SYNE2: variants seen among roughly 807,000 people sequenced by gnomAD.
SYNE2 encodes spectrin repeat containing nuclear envelope protein 2.
SYNE2 carries 431 observed loss-of-function variants against 856.3 expected under a neutral mutation model. That is an observed-to-expected ratio of 0.50 (90% confidence interval 0.47 to 0.55). The LOEUF (loss-of-function observed/expected upper bound fraction) is 0.55. SYNE2 is among the 20% of genes least tolerant of loss of function. SYNE2 has a pLI of 0.00. For missense variants in SYNE2, 8,129 were observed against 8,023.2 expected (o/e 1.01, Z -0.50); for synonymous variants, 2,923 against 2,872.3 (o/e 1.02, Z -0.56).
intron 14 of SYNE2, among the ~76,000 whole-genome samples, chr14:63,979,255 C>T (rs569531907): frequency 6.6e-6 from 1 of 152,180 alleles, no homozygotes; most frequent in Admixed American, 6.5e-5. Flanking sequence ...TAAGAGTTAA[C>T]CAGGTCTATT....
At chr14:63,882,002 A>C (rs1336804200) in intron 1 of SYNE2, among the ~76,000 whole-genome samples, 2 of 152,222 alleles carry the variant, frequency 1.3e-5, no homozygotes, top group Non-Finnish European at 2.9e-5. Flanking sequence ...TAAGGCCTAC[A>C]ACCCTGCTGC....
chr14:64,177,817 G>A (rs986661446), intron 96 of SYNE2, among the ~76,000 whole-genome samples: 2 of 152,152 alleles, frequency 1.3e-5, no homozygotes, highest in Admixed American at 6.5e-5. Flanking sequence ...CTTATCAAAT[G>A]TCCTCTTCTT....
At chr14:63,993,669 C>T (rs752750381) in intron 21 of SYNE2, among the ~76,000 whole-genome samples, 166 bp from the exon 22 acceptor site, 1 of 152,164 alleles carries the variant, frequency 6.6e-6, no homozygotes. Flanking sequence ...GGGCTAGCAA[C>T]CTCGATTTAC....
intron 27 of SYNE2, 78 bp downstream of exon 27, chr14:63,999,118 T>C: frequency 1.4e-6 from 2 of 1,423,586 alleles, no homozygotes; most frequent in Non-Finnish European, 2.0e-6. Flanking sequence ...GACATCCCCT[T>C]TTCTGTTGAG....
intron 45 of SYNE2, among the ~76,000 whole-genome samples, chr14:64,043,561 C>CTGTCTAG (rs1432209914): frequency 6.6e-6 from 1 of 152,164 alleles, no homozygotes; most frequent in Non-Finnish European, 1.5e-5. Context: ...AGTCTAGCGA[C>CTGTCTAG]CGAGTGCCCT....
chr14:63,998,995 G>A lies in SYNE2; in HGVS notation c.3435G>A (p.Glu1145=), dbSNP rs373871152. 10 of 1,613,758 alleles carry A rather than the reference G, an allele frequency of 6.2e-6. No individual in the cohort carries two copies. Among genetic ancestry groups the A allele is most frequent in the Middle Eastern group, 1.6e-4 (1 of 6,084 alleles). Residue 1145 remains glutamate (E), a synonymous_variant, in exon 27 of 116, where the codon GAG becomes GAA. Coordinates refer to ENST00000555002, the MANE Select transcript of SYNE2 (RefSeq NM_182914.3). ...TTACTTCTGATTTCTCTAGTGAAGAGGACAGGAGTAGTTCTTGTCTGCAGG... is the reference window on the plus strand; with the variant it reads ...TTACTTCTGATTTCTCTAGTGAAGAAGACAGGAGTAGTTCTTGTCTGCAGG... ...FRITSDFSSE[E]DRSSSCLQAK...
rs2097575467 is a variant in SYNE2 at position 64,087,860 on chromosome 14, A to T, written c.11670+4A>T. 2 of 1,613,768 alleles carry T rather than the reference A, an allele frequency of 1.2e-6. No homozygotes were observed. The highest frequency in any genetic ancestry group is 1.7e-6 in the Non-Finnish European group (2 of 1,179,700). ...ACAGATTCAGCGAATGGCTGATGTA[A>T]GTTTGCACCATTCATTTAATCATTC... On this transcript the variant is annotated splice_donor_region_variant and intron_variant, in intron 58 of 115. Transcript: ENST00000555002.
intron 66 of SYNE2, among the ~76,000 whole-genome samples, chr14:64,115,159 A>T (rs1387202458): frequency 6.6e-6 from 1 of 152,250 alleles, no homozygotes; most frequent in Non-Finnish European, 1.5e-5. Flanking sequence ...CTCGTTGATT[A>T]TCACCAGAAT....
intron 99 of SYNE2, among the ~76,000 whole-genome samples, chr14:64,202,014 C>T (rs192223128): frequency 4.0e-4 from 61 of 152,338 alleles, no homozygotes; most frequent in South Asian, 1.7e-3. Context: ...AGCTACATCA[C>T]GTCCCCTTGA....
intron 87 of SYNE2, among the ~76,000 whole-genome samples, chr14:64,161,816 C>T (rs2098332292): frequency 1.3e-5 from 2 of 151,288 alleles, no homozygotes; most frequent in African/African-American, 2.4e-5. Flanking sequence ...ACATTCATAA[C>T]ATCATAGGTA....
At chr14:64,154,564 G>A (rs1464776863) in intron 85 of SYNE2, among the ~76,000 whole-genome samples, 1 of 151,988 alleles carries the variant, frequency 6.6e-6, no homozygotes, top group Non-Finnish European at 1.5e-5. Flanking sequence ...AGGCCAAGGT[G>A]GGCAGATCGC....
intron 1 of SYNE2, among the ~76,000 whole-genome samples, chr14:63,893,295 G>A (rs938425419): frequency 2.6e-5 from 4 of 152,152 alleles, no homozygotes; most frequent in African/African-American, 4.8e-5. Flanking sequence ...GCGGTGGCTC[G>A]CACTTTTAAT....
intron 96 of SYNE2, 73 bp from the exon 97 acceptor site, chr14:64,186,350 AT>A: frequency 5.6e-6 from 9 of 1,593,742 alleles, no homozygotes; most frequent in Non-Finnish European, 6.9e-6. Context: ...TAATCAAAGG[AT>A]TAGCCTACAG....
At chr14:64,185,195 G>A (rs895642058) in intron 96 of SYNE2, among the ~76,000 whole-genome samples, 4 of 152,174 alleles carry the variant, frequency 2.6e-5, no homozygotes, top group Non-Finnish European at 1.5e-5. Context: ...GAGGTCAGTC[G>A]AGGCTGCAGT....
At chr14:63,964,108 C>T in intron 10 of SYNE2, 108 bp downstream of exon 10, 1 of 752,882 alleles carries the variant, frequency 1.3e-6, no homozygotes, top group South Asian at 1.6e-5. Context: ...ATTAAATTCA[C>T]TGAAAGTTTT....
At chr14:64,180,948 A>G (rs1436349049) in intron 96 of SYNE2, among the ~76,000 whole-genome samples, 1 of 152,194 alleles carries the variant, frequency 6.6e-6, no homozygotes, top group East Asian at 1.9e-4. Flanking sequence ...TAGAAATGTA[A>G]TTGGTCTTTG....
chr14:64,081,748 T>C (rs2097525533), intron 57 of SYNE2, among the ~76,000 whole-genome samples, 168 bp downstream of exon 57: 2 of 152,070 alleles, frequency 1.3e-5, no homozygotes, highest in South Asian at 4.1e-4. Flanking sequence ...AGACATGGAT[T>C]TTGGAGACCA....
chr14:64,085,569 G>A (rs1288188021), intron 57 of SYNE2, among the ~76,000 whole-genome samples: 1 of 152,156 alleles, frequency 6.6e-6, no homozygotes, highest in South Asian at 2.1e-4. Context: ...TTTACGATGT[G>A]TTTAAATAAA....
chr14:63,781,464 G>A (rs1304085289), intron 1 of SYNE2, among the ~76,000 whole-genome samples: 1 of 151,772 alleles, frequency 6.6e-6, no homozygotes, highest in Non-Finnish European at 1.5e-5. Context: ...TATATAGGAA[G>A]ATAATGAAAG....
Sources: allele counts gnomAD v4.1 joint callset (sites outside exome capture counted in the v4.1 genomes callset), GRCh38; gene constraint gnomAD v4.1.1; transcripts MANE v1.5; gene names NCBI Gene and HGNC (gene_info 2026-07-23, HGNC 2026-07-21).